EIF3H: variants seen among roughly 807,000 people sequenced by gnomAD.
EIF3H encodes the protein eukaryotic translation initiation factor 3 subunit H.
A neutral mutation model predicts 44.2 loss-of-function variants in EIF3H; 26 were observed. That is an observed-to-expected ratio of 0.59 (90% CI 0.43 to 0.82). The LOEUF is 0.82. Ranked by LOEUF, EIF3H falls within the 40% of genes least tolerant of loss-of-function variation. The pLI, the probability that EIF3H is intolerant of heterozygous loss-of-function variation, is 0.00. For synonymous variants in EIF3H, 166 were observed against 151.9 expected (o/e 1.09, Z -0.68); for missense variants, 359 against 432.8 (o/e 0.83, Z 1.51).
At chr8:116,751,069 G>A (rs940548792) in intron 1 of EIF3H, among the ~76,000 whole-genome samples, 14 of 151,626 alleles carry the variant, frequency 9.2e-5, no homozygotes, top group Non-Finnish European at 1.9e-4. Context: ...AAAATTAGCC[G>A]GGCGTAGTGG....
chr8:116,699,809 TTTGTTTG>T (rs1214874591), intron 2 of EIF3H, among the ~76,000 whole-genome samples: 1 of 147,682 alleles, frequency 6.8e-6, no homozygotes, highest in East Asian at 1.9e-4. Context: ...TTTGGTTTTT[TTTGTTTG>T]TTTGTTTGTT....
At chr8:116,718,057 T>C (rs186392642) in intron 2 of EIF3H, among the ~76,000 whole-genome samples, 48 of 151,710 alleles carry the variant, frequency 3.2e-4, no homozygotes, top group East Asian at 2.1e-3. Context: ...AAAAAAACAA[T>C]TGCATCAAAA....
At chr8:116,720,511 C>T (rs1407442386) in intron 2 of EIF3H, among the ~76,000 whole-genome samples, 5 of 152,004 alleles carry the variant, frequency 3.3e-5, no homozygotes, top group African/African-American at 9.7e-5. Flanking sequence ...TTATCAGTGG[C>T]GTGAAAATGG....
chr8:116,749,986 A>C (rs1313619938), intron 1 of EIF3H, among the ~76,000 whole-genome samples: 1 of 152,306 alleles, frequency 6.6e-6, no homozygotes, highest in African/African-American at 2.4e-5. Flanking sequence ...AAATGTGTTA[A>C]AACATCAGGC....
chr8:116,643,558 C>T lies in EIF3H; in HGVS notation c.*1448G>A, dbSNP rs1338088193. The T allele has an allele frequency of 1.3e-5, 2 of 152,168 alleles. No homozygotes were observed. Among genetic ancestry groups the T allele is most frequent in the Non-Finnish European group, 2.9e-5 (2 of 68,042 alleles). The allele number at this position is 152,168 out of a possible 1,614,324, so 9.4% of individuals were successfully genotyped here. The stretch of plus-strand genomic sequence containing the variant: ...CCAGAGTTTGCATGCTTCACCCAAA[C>T]CCCCAACAAACGTCTTCAACACTCA... On this transcript the variant is annotated 3_prime_UTR_variant, in exon 8 of 8. Transcript: ENST00000521861.
intron 2 of EIF3H, among the ~76,000 whole-genome samples, chr8:116,708,984 G>A: frequency 6.7e-6 from 1 of 150,254 alleles, no homozygotes; most frequent in East Asian, 1.9e-4. Flanking sequence ...GGTTTAGCCA[G>A]GGCCTTTCTT....
Position 116,655,719 on chromosome 8 carries a change from T to C in EIF3H, c.707+137A>G. The C allele has an allele frequency of 3.4e-6, 3 of 885,102 alleles. No homozygotes were observed. In the Admixed American group the frequency reaches 7.9e-5, roughly 23 times the overall value. 54.8% of individuals were successfully genotyped at this position (885,102 alleles called of 1,614,324 possible). On this transcript the variant is annotated intron_variant, in intron 5 of 7. Transcript: ENST00000521861. Reference sequence around the variant, plus strand: ...CATCCTAACAGGGCCAGACTATTACTCCATGTTATACATGTTTTAAGAACC... The same window carrying C: ...CATCCTAACAGGGCCAGACTATTACCCCATGTTATACATGTTTTAAGAACC...
chr8:116,743,804 A>ATATATATATATATATAT (rs1815180734), intron 1 of EIF3H, among the ~76,000 whole-genome samples: 1 of 23,884 alleles, frequency 4.2e-5, no homozygotes, highest in Admixed American at 4.9e-4. Context: ...ATATAAACAC[A>ATATATATATATATATAT]CACACACACA....
At chr8:116,703,800 G>A (rs1814421890) in intron 2 of EIF3H, among the ~76,000 whole-genome samples, 1 of 152,172 alleles carries the variant, frequency 6.6e-6, no homozygotes. Flanking sequence ...CTAGGTGGTA[G>A]TGGTCCCCCA....
chr8:116,712,619 G>A (rs1040484507), intron 2 of EIF3H, among the ~76,000 whole-genome samples: 11 of 152,012 alleles, frequency 7.2e-5, no homozygotes, highest in East Asian at 5.8e-4. Flanking sequence ...AAGTGTTAAC[G>A]GTATGAAAAC....
At chr8:116,733,659 G>A (rs982360818) in intron 1 of EIF3H, among the ~76,000 whole-genome samples, 1 of 150,848 alleles carries the variant, frequency 6.6e-6, no homozygotes, top group African/African-American at 2.4e-5. Context: ...AAATTTTCAT[G>A]GACCCCCAAA....
Position 116,678,455 on chromosome 8 carries a change from T to C in EIF3H, c.290-19475A>G, listed in dbSNP as rs1467728714. ...AGGAGCGTCTCTGCCTGGCCCCCCA[T>C]CGTCTGGGATATGAGGAGCCTCTCT... On this transcript the variant is annotated intron_variant, in intron 2 of 7. Coordinates refer to ENST00000521861, the MANE Select transcript of EIF3H (RefSeq NM_003756.3). Among the ~76,000 whole-genome samples the C allele has an allele frequency of 5.1e-5, 7 of 138,178 alleles. No individual in the cohort carries two copies. In the East Asian group the frequency reaches 1.2e-3, roughly 24 times the overall value. The allele number at this position is 138,178 out of a possible 152,430, so 90.7% of individuals were successfully genotyped here. A position where few individuals can be genotyped will look rare whatever the true frequency, so the allele number is the denominator to read the frequency against.
chr8:116,675,202 C>T lies in EIF3H; in HGVS notation c.290-16222G>A, dbSNP rs575897486. Among the ~76,000 whole-genome samples the T allele has an allele frequency of 4.1e-4, 63 of 152,272 alleles. 1 individual carries two copies. The South Asian group carries it at 0.012, about 29-fold the overall frequency. On this transcript the variant is annotated intron_variant, in intron 2 of 7. Transcript: ENST00000521861. ...ACACAAAGATTCTTGGAACTAGGAG[C>T]GAATGACTCAAGCAACCAATAAAAC...
intron 1 of EIF3H, among the ~76,000 whole-genome samples, chr8:116,738,318 A>C (rs964102054): frequency 1.3e-5 from 2 of 152,180 alleles, no homozygotes; most frequent in African/African-American, 4.8e-5. Flanking sequence ...ACATTTGTAA[A>C]ATATGGGCTG....
At chr8:116,694,372 T>C (rs1402698124) in intron 2 of EIF3H, among the ~76,000 whole-genome samples, 2 of 152,250 alleles carry the variant, frequency 1.3e-5, no homozygotes, top group Non-Finnish European at 2.9e-5. Context: ...GGCATCATTT[T>C]ACACATGTAA....
At chr8:116,668,792 A>G (rs7833054) in intron 2 of EIF3H, among the ~76,000 whole-genome samples, 135,148 of 152,152 alleles carry the variant, frequency 0.89, 60,326 homozygotes, top group African/African-American at 0.96. Context: ...AAGATTGAAC[A>G]AAATCATTTG....
At chr8:116,670,061 A>G (rs1207330608) in intron 2 of EIF3H, among the ~76,000 whole-genome samples, 1 of 152,182 alleles carries the variant, frequency 6.6e-6, no homozygotes, top group Non-Finnish European at 1.5e-5. Flanking sequence ...GCCATGTTAC[A>G]TTTCCTGTTA....
At chr8:116,687,831 C>A (rs1200701971) in intron 2 of EIF3H, among the ~76,000 whole-genome samples, 1 of 152,032 alleles carries the variant, frequency 6.6e-6, no homozygotes, top group Non-Finnish European at 1.5e-5. Context: ...AAATAAGCAA[C>A]CTGAAATGTC....
chr8:116,757,133 C>T (rs1369748987), upstream of EIF3H, among the ~76,000 whole-genome samples: 2 of 152,146 alleles, frequency 1.3e-5, no homozygotes, highest in Non-Finnish European at 2.9e-5. Flanking sequence ...AAATATTTTG[C>T]AATTTTTTTG....
Sources: allele counts gnomAD v4.1 joint callset (sites outside exome capture counted in the v4.1 genomes callset), GRCh38; gene constraint gnomAD v4.1.1; transcripts MANE v1.5; gene names NCBI Gene and HGNC (gene_info 2026-07-23, HGNC 2026-07-21).